Variants in DSG3 observed in about 807,000 individuals in gnomAD.
The protein encoded by DSG3 is desmoglein 3, also known as desmoglein-3.
A neutral mutation model predicts 85.9 loss-of-function variants in DSG3; 63 were observed. The observed-to-expected ratio is 0.73, with a 90% CI of 0.60 to 0.90. The LOEUF is 0.90. DSG3 is among the 40% of genes least tolerant of loss of function. The pLI, the probability that DSG3 is intolerant of heterozygous loss-of-function variation, is 0.00. For synonymous variants in DSG3, 447 were observed against 441.9 expected (o/e 1.01, Z -0.14); for missense variants, 1,220 against 1,219.9 (o/e 1.00, Z 0.00).
intron 1 of DSG3, among the ~76,000 whole-genome samples, chr18:31,452,558 C>G (rs1442296525): frequency 6.8e-6 from 1 of 147,658 alleles, no homozygotes; most frequent in Non-Finnish European, 1.5e-5. Context: ...TCTTTTATGC[C>G]TCTTTTGAAG....
In DSG3 at chr18:31,472,790, T is replaced by A. The variant is rs1199619015; in HGVS notation, c.2101+2T>A. ...GAGCCGATTTCATGGAAAGTTCTGGTAAGTGGACATAAAATGTTTGAAAGC... is the reference window on the plus strand; with the variant it reads ...GAGCCGATTTCATGGAAAGTTCTGGAAAGTGGACATAAAATGTTTGAAAGC... On this transcript the variant is annotated splice_donor_variant, in intron 14 of 15. Transcript: ENST00000257189. LOFTEE classifies it high-confidence loss of function. 6.2e-7 allele frequency: 1 copy of A among 1,613,542 alleles called. No individual in the cohort carries two copies. The highest frequency in any genetic ancestry group is 8.5e-7 in the Non-Finnish European group (1 of 1,179,612).
rs113090917 is a variant in DSG3, at chr18:31,465,321, T to C, written c.1275T>C (p.Tyr425=). Residue 425 remains tyrosine (Y), a synonymous_variant, in exon 10 of 16, where the codon TAT becomes TAC. Coordinates refer to ENST00000257189, the MANE Select transcript of DSG3 (RefSeq NM_001944.3). ...TTTTTTTAATATTATGAAACAGATA[T>C]GTCATGGGACGTAACGATGGTGGAT... is the stretch of plus-strand genomic sequence containing the variant. ...DTNKAASNVK[Y]VMGRNDGGYL... is the part of the protein sequence containing the mutation. 18 of 1,414,016 alleles carry C rather than the reference T, an allele frequency of 1.3e-5. No homozygotes were observed. The African/African-American group carries it at 1.3e-4, about 10-fold the overall frequency. The allele number at this position is 1,414,016 out of a possible 1,614,324, so 87.6% of individuals were successfully genotyped here.
intron 1 of DSG3, among the ~76,000 whole-genome samples, chr18:31,449,564 T>G (rs1010423768): frequency 9.9e-5 from 15 of 152,218 alleles, no homozygotes; most frequent in African/African-American, 3.6e-4. Context: ...AATTTTTATT[T>G]TTATATTCTC....
chr18:31,455,521 A>G (rs1271176815), intron 1 of DSG3, among the ~76,000 whole-genome samples: 1 of 152,244 alleles, frequency 6.6e-6, no homozygotes, highest in Non-Finnish European at 1.5e-5. Flanking sequence ...ATCATGGGCT[A>G]AATTTCATGG....
chr18:31,473,460 G>C (rs2072867809), intron 14 of DSG3, among the ~76,000 whole-genome samples: 1 of 152,104 alleles, frequency 6.6e-6, no homozygotes. Context: ...TTAAAGTTTT[G>C]CTTAATTCCA....
Position 31,476,418 on chromosome 18 carries a change from T to TG in DSG3, c.*158_*159insG. On this transcript the variant is annotated 3_prime_UTR_variant, in exon 16 of 16. Transcript: ENST00000257189. ...ATTATAAATTAAATGTTTGGGTTCA[T>TG]ACCCCAAAAGCAATATGTTGTCACT... The TG allele has an allele frequency of 1.2e-6, 1 of 808,098 alleles. No homozygotes were observed. Among genetic ancestry groups the TG allele is most frequent in the Non-Finnish European group, 1.8e-6 (1 of 549,158 alleles). 50.1% of individuals were successfully genotyped at this position (808,098 alleles called of 1,614,324 possible).
At chr18:31,457,145 C>T (rs780056768) in intron 3 of DSG3, 21 bp downstream of exon 3, 44 of 1,590,810 alleles carry the variant, frequency 2.8e-5, no homozygotes, top group African/African-American at 4.1e-5. Flanking sequence ...TCAACAGGAG[C>T]GTATGAGTTT....
At position 31,474,423 on chromosome 18, in the gene DSG3, T is replaced by C. The variant is rs778274897; in HGVS notation, c.2385+19T>C. On this transcript the variant is annotated intron_variant, in intron 15 of 15. Transcript: ENST00000257189. ...TTCTCAGGTAATTTGGTGAAAAACT[T>C]TGTGGCTTGATTATCTTATTTACAT... The C allele has an allele frequency of 1.7e-5, 27 of 1,585,908 alleles. No homozygotes were observed. Among genetic ancestry groups the C allele is most frequent in the Non-Finnish European group, 2.2e-5 (26 of 1,163,526 alleles).
At position 31,464,365 on chromosome 18, in the gene DSG3, A is replaced by G; in HGVS notation, c.1254A>G (p.Lys418=). ...AAGCCATCGATGAGGACACTAACAA[A>G]GCTGCCTCAAATGTCAAGTAAGACT... The part of the protein sequence containing the change: ...TYQAIDEDTN[K]AASNVKYVMG... The change falls in exon 9 of 16, where the codon AAA becomes AAG. Residue 418 remains lysine, a synonymous_variant. Transcript: ENST00000257189. 1 of 1,608,448 alleles carries G rather than the reference A, an allele frequency of 6.2e-7. No individual in the cohort carries two copies. The highest frequency in any genetic ancestry group is 8.5e-7 in the Non-Finnish European group (1 of 1,176,996).
rs2072888360 is a variant in DSG3, at chr18:31,476,367, T to C, written c.*107T>C. On this transcript the variant is annotated 3_prime_UTR_variant, in exon 16 of 16. Transcript: ENST00000257189. The stretch of plus-strand genomic sequence containing the variant: ...TATTGGGCTAATAATTTGGCACTTA[T>C]TAGCTTCTCTCATAAACTGATCACG... 1 of 1,339,214 alleles carries C rather than the reference T, an allele frequency of 7.5e-7. No individual in the cohort carries two copies. The allele number at this position is 1,339,214 out of a possible 1,614,324, so 83.0% of individuals were successfully genotyped here.
intron 1 of DSG3, among the ~76,000 whole-genome samples, chr18:31,454,421 G>A (rs1266913456): frequency 6.6e-6 from 1 of 152,216 alleles, no homozygotes; most frequent in Non-Finnish European, 1.5e-5. Context: ...ATAACCACAA[G>A]TAATGGTTCT....
chr18:31,454,823 C>T (rs1233686965), intron 1 of DSG3, among the ~76,000 whole-genome samples: 2 of 151,882 alleles, frequency 1.3e-5, no homozygotes, highest in East Asian at 3.9e-4. Context: ...GGTGAAACTC[C>T]GTCTCTGCTA....
chr18:31,459,049 T>C lies in DSG3; in HGVS notation c.389T>C (p.Leu130Pro), dbSNP rs1415957626. The change falls in exon 5 of 16, where the codon CTA (leucine) becomes CCA (proline). Residue 130 changes from leucine (L) to proline (P), a missense_variant. Transcript: ENST00000257189. Reference sequence around the variant, plus strand: ...TGTTCCTAGATCACATGTCGGGCTCTAAATGCCCAAGGACTAGATGTAGAG... The same window carrying C: ...TGTTCCTAGATCACATGTCGGGCTCCAAATGCCCAAGGACTAGATGTAGAG... Reference protein sequence around the residue: ...TPSFLITCRALNAQGLDVEKP... With the variant: ...TPSFLITCRAPNAQGLDVEKP... The C allele has an allele frequency of 6.2e-7, 1 of 1,613,556 alleles. No homozygotes were observed. Among genetic ancestry groups the C allele is most frequent in the Non-Finnish European group, 8.5e-7 (1 of 1,179,894 alleles).
At position 31,478,390 on chromosome 18, in the gene DSG3, C is replaced by A. The variant is rs868344693; in HGVS notation, c.*2130C>A. On this transcript the variant is annotated 3_prime_UTR_variant, in exon 16 of 16. Transcript: ENST00000257189. ...CCTTGCCGCTTAAAACCCAATTTAC[C>A]GTGAAATGGGAATTTTGCTGCATTG... 7.2e-5 allele frequency: 11 copies of A among 152,008 alleles called. No homozygotes were observed. Among genetic ancestry groups the A allele is most frequent in the African/African-American group, 2.7e-4 (11 of 41,366 alleles). The allele number at this position is 152,008 out of a possible 1,614,324, so 9.4% of individuals were successfully genotyped here.
intron 3 of DSG3, among the ~76,000 whole-genome samples, chr18:31,458,192 C>A (rs1362204190): frequency 1.3e-5 from 2 of 152,118 alleles, no homozygotes; most frequent in African/African-American, 4.8e-5. Flanking sequence ...TTAACACTAT[C>A]ATGTGGCCAC....
chr18:31,459,237 T>C (rs549127075), intron 5 of DSG3, 60 bp downstream of exon 5: 1 of 1,446,224 alleles, frequency 6.9e-7, no homozygotes, highest in East Asian at 2.3e-5. Context: ...TGAGTCCCAC[T>C]ACAATATGTC....
At chr18:31,454,140 A>G (rs1230093208) in intron 1 of DSG3, among the ~76,000 whole-genome samples, 3 of 152,194 alleles carry the variant, frequency 2.0e-5, no homozygotes, top group Non-Finnish European at 4.4e-5. Flanking sequence ...ACTTCCTGGG[A>G]AAACAAATAT....
At chr18:31,470,859 A>G (rs1262140563) in intron 12 of DSG3, among the ~76,000 whole-genome samples, 1 of 152,224 alleles carries the variant, frequency 6.6e-6, no homozygotes, top group Admixed American at 6.5e-5. Context: ...TTCGAAGGCT[A>G]AAGCGCGGGG....
Position 31,464,214 on chromosome 18 carries a change from C to T in DSG3, c.1103C>T (p.Thr368Ile). 1 of 1,614,126 alleles carries T rather than the reference C, an allele frequency of 6.2e-7. No homozygotes were observed. The highest frequency in any genetic ancestry group is 1.3e-5 in the African/African-American group (1 of 75,028). The change falls in exon 9 of 16, where the codon ACC (threonine) becomes ATC (isoleucine). Residue 368 changes from threonine (T) to isoleucine (I), a missense_variant. Thr to Ile is a moderately conservative substitution (Grantham distance 89). Coordinates refer to ENST00000257189, the MANE Select transcript of DSG3 (RefSeq NM_001944.3). ...ATCTCTCGATACCGAGTTCAGTCAACCCCAGTCACAATTCAGGTAATAAAT... is the reference window on the plus strand; with the variant it reads ...ATCTCTCGATACCGAGTTCAGTCAATCCCAGTCACAATTCAGGTAATAAAT... ...SVISRYRVQSTPVTIQVINVR... is the reference protein window; with the variant it reads ...SVISRYRVQSIPVTIQVINVR...
Sources: gnomAD v4.1 joint callset for allele counts (sites outside exome capture counted in the v4.1 genomes callset) on GRCh38, gnomAD v4.1.1 for gene constraint, MANE v1.5 for transcripts, NCBI Gene and HGNC (gene_info 2026-07-23, HGNC 2026-07-21) for gene names.